The following ASTN2 variants were observed in gnomAD, a reference collection of about 807,000 sequenced individuals.
ASTN2 encodes the protein astrotactin-2.
ASTN2 carries 54 observed loss-of-function variants against 139.8 expected under a neutral mutation model. The ratio of observed to expected loss-of-function variants is 0.39; its 90% CI spans 0.31 to 0.48. The LOEUF (loss-of-function observed/expected upper bound fraction) is 0.48. ASTN2 is among the 20% of genes least tolerant of loss of function. ASTN2 has a pLI of 0.95. For synonymous variants in ASTN2, 756 were observed against 719.5 expected (o/e 1.05, Z -0.81); for missense variants, 1,565 against 1,725.1 (o/e 0.91, Z 1.64).
At chr9:116,442,960 T>G (rs1433192842) in intron 20 of ASTN2, among the ~76,000 whole-genome samples, 1 of 152,136 alleles carries the variant, frequency 6.6e-6, no homozygotes, top group Non-Finnish European at 1.5e-5. Flanking sequence ...TATTGAGCAT[T>G]TACTGCACAC....
At chr9:117,159,200 G>A (rs964957588) in intron 3 of ASTN2, among the ~76,000 whole-genome samples, 2 of 151,824 alleles carry the variant, frequency 1.3e-5, no homozygotes, top group Non-Finnish European at 1.5e-5. Context: ...CAGGCCTGTC[G>A]TCTGCTAACT....
At chr9:117,400,610 A>T (rs1291232498) in intron 1 of ASTN2, among the ~76,000 whole-genome samples, 4 of 152,300 alleles carry the variant, frequency 2.6e-5, no homozygotes, top group African/African-American at 7.2e-5. Flanking sequence ...TTAGTGCAAG[A>T]CTGGGCTTGA....
intron 20 of ASTN2, among the ~76,000 whole-genome samples, chr9:116,465,005 A>G (rs1265281039): frequency 1.3e-5 from 2 of 152,224 alleles, no homozygotes; most frequent in African/African-American, 4.8e-5. Context: ...TGTAGTCGTT[A>G]TGGAGGGAAT....
intron 11 of ASTN2, among the ~76,000 whole-genome samples, chr9:116,841,503 G>A (rs546634468): frequency 9.0e-4 from 137 of 152,214 alleles, no homozygotes; most frequent in African/African-American, 3.2e-3. Flanking sequence ...GCCTCCCAAA[G>A]CCCTGGAATT....
rs191571359 is a variant in ASTN2 at position 117,027,230 on chromosome 9, A to G, written c.1423+12589T>C. 2.9e-3 allele frequency among the ~76,000 whole-genome samples: 444 copies of G among 152,286 alleles called. 2 individuals are homozygous for G. The highest frequency in any genetic ancestry group is 0.01 in the African/African-American group (431 of 41,572). On this transcript the variant is annotated intron_variant, in intron 6 of 22. Transcript: ENST00000313400. The stretch of plus-strand genomic sequence containing the variant: ...AGAAGGGTTAAGTAACACTGGTAGC[A>G]TCTATTATCTATTATTTCATGCAGC...
chr9:117,373,522 TTGTAA>T (rs959222963), intron 1 of ASTN2, among the ~76,000 whole-genome samples: 7 of 152,188 alleles, frequency 4.6e-5, no homozygotes, highest in Admixed American at 3.3e-4. Context: ...AAATATGCTC[TTGTAA>T]TGTGAGGAAC....
intron 22 of ASTN2, among the ~76,000 whole-genome samples, chr9:116,433,782 A>T (rs1004997418): frequency 6.6e-6 from 1 of 152,200 alleles, no homozygotes; most frequent in African/African-American, 2.4e-5. Context: ...AGAAGCTCAG[A>T]TACTGCCACT....
At chr9:116,966,673 A>T (rs925578410) in intron 10 of ASTN2, among the ~76,000 whole-genome samples, 2 of 150,024 alleles carry the variant, frequency 1.3e-5, no homozygotes, top group African/African-American at 5.0e-5. Context: ...GGCCTTTTAT[A>T]GTAATGTTTC....
intron 5 of ASTN2, among the ~76,000 whole-genome samples, chr9:117,052,701 C>T (rs1320528210): frequency 3.9e-5 from 6 of 152,154 alleles, no homozygotes; most frequent in African/African-American, 1.4e-4. Flanking sequence ...CTACTATATG[C>T]GAAGCCTCTG....
In ASTN2 at chr9:116,950,640, C is replaced by T. The variant is rs73655558; in HGVS notation, c.1889+24568G>A. On this transcript the variant is annotated intron_variant, in intron 10 of 22. Transcript: ENST00000313400. ...GAAGTTACAGTTTTCCTTTGGCAAG[C>T]TTCCCTTCCACCTTATTCTGGTAGG... Among the ~76,000 whole-genome samples, 298 of 152,288 alleles carry T rather than the reference C, an allele frequency of 2.0e-3. 3 individuals are homozygous for T. The highest frequency in any genetic ancestry group is 6.5e-3 in the African/African-American group (270 of 41,574).
intron 3 of ASTN2, among the ~76,000 whole-genome samples, chr9:117,188,568 C>T (rs1423416337): frequency 6.6e-6 from 1 of 152,118 alleles, no homozygotes; most frequent in Non-Finnish European, 1.5e-5. Context: ...GCCGAGGAAA[C>T]ATCGTAGCTG....
intron 5 of ASTN2, among the ~76,000 whole-genome samples, chr9:117,084,220 G>C (rs1828503974): frequency 1.3e-5 from 2 of 152,092 alleles, no homozygotes; most frequent in Non-Finnish European, 2.9e-5. Flanking sequence ...GTATTTTACT[G>C]CATTTTACTG....
chr9:116,712,237 G>C (rs1412948107), intron 16 of ASTN2, among the ~76,000 whole-genome samples: 7 of 152,038 alleles, frequency 4.6e-5, no homozygotes, highest in Middle Eastern at 3.2e-3. Flanking sequence ...ACCTGTGTTG[G>C]CCTAAATCTT....
At chr9:116,543,256 C>CTA (rs1298041596) in intron 19 of ASTN2, among the ~76,000 whole-genome samples, 1 of 140,748 alleles carries the variant, frequency 7.1e-6, no homozygotes, top group African/African-American at 2.7e-5. Flanking sequence ...TAACAAAACC[C>CTA]TATCTGTATG....
intron 4 of ASTN2, among the ~76,000 whole-genome samples, chr9:117,098,232 G>T (rs1027207962): frequency 4.6e-5 from 7 of 152,118 alleles, no homozygotes; most frequent in African/African-American, 1.7e-4. Flanking sequence ...ATCTCATTCC[G>T]AATTCATACT....
chr9:116,532,811 G>C (rs1326649961), intron 19 of ASTN2, among the ~76,000 whole-genome samples: 1 of 152,172 alleles, frequency 6.6e-6, no homozygotes, highest in Non-Finnish European at 1.5e-5. Context: ...CTCCAGCTTT[G>C]TTCTTTTTGC....
At chr9:117,060,346 GA>G (rs1839214110) in intron 5 of ASTN2, among the ~76,000 whole-genome samples, 1 of 47,236 alleles carries the variant, frequency 2.1e-5, no homozygotes, top group East Asian at 6.1e-4. Flanking sequence ...AAGAAAGAGA[GA>G]AAGAAAGAAA....
intron 1 of ASTN2, among the ~76,000 whole-genome samples, chr9:117,346,475 T>C (rs565472043): frequency 6.6e-6 from 1 of 152,224 alleles, no homozygotes; most frequent in East Asian, 1.9e-4. Context: ...CTAACCAAAC[T>C]CCTAACACAC....
chr9:116,696,817 A>G (rs1344344293), intron 16 of ASTN2, among the ~76,000 whole-genome samples: 1 of 152,130 alleles, frequency 6.6e-6, no homozygotes, highest in East Asian at 1.9e-4. Flanking sequence ...AAGTAGGAGG[A>G]TAGATGCGTG....
Sources: allele counts gnomAD v4.1 joint callset (sites outside exome capture counted in the v4.1 genomes callset), GRCh38; gene constraint gnomAD v4.1.1; transcripts MANE v1.5; gene names NCBI Gene and HGNC (gene_info 2026-07-23, HGNC 2026-07-21).